AK9: variants seen among roughly 807,000 people sequenced by gnomAD.
AK9 encodes adenylate kinase 9, also known as adenylate kinase domain containing 1.
Under a neutral mutation model 239.6 loss-of-function variants are expected in AK9, and 191 were observed. The observed-to-expected ratio is 0.80, with a 90% CI of 0.71 to 0.90. AK9 has a LOEUF of 0.90. Ranked by LOEUF, AK9 falls within the 40% of genes least tolerant of loss-of-function variation. The pLI, the probability that AK9 is intolerant of heterozygous loss-of-function variation, is 0.00. For synonymous variants in AK9, 689 were observed against 721.0 expected, an observed-to-expected ratio of 0.96 and a Z score of 0.71; for missense variants, 1,995 against 2,214.7, an observed-to-expected ratio of 0.90 and a Z score of 1.99.
chr6:109,570,374 C>T (rs949201128), intron 21 of AK9, among the ~76,000 whole-genome samples: 3 of 151,990 alleles, frequency 2.0e-5, no homozygotes, highest in Non-Finnish European at 4.4e-5. Flanking sequence ...CACATGTATA[C>T]ACATGTAACA....
chr6:109,600,687 G>A (rs1005383587), intron 17 of AK9, among the ~76,000 whole-genome samples: 5 of 152,118 alleles, frequency 3.3e-5, no homozygotes, highest in South Asian at 2.1e-4. Context: ...GGTAGAATTC[G>A]GCTGTGAATC....
chr6:109,573,319 G>A (rs1787664388), intron 21 of AK9, 123 bp downstream of exon 21: 1 of 1,067,706 alleles, frequency 9.4e-7, no homozygotes. Flanking sequence ...GCTGCTCTCT[G>A]GGGGCTCATC....
intron 5 of AK9, among the ~76,000 whole-genome samples, chr6:109,669,205 A>G (rs184128637): frequency 1.4e-3 from 214 of 152,168 alleles, no homozygotes; most frequent in Admixed American, 2.5e-3. Flanking sequence ...TTATTGGTGT[A>G]TAAGAATGCT....
chr6:109,633,423 T>A, intron 10 of AK9, 100 bp from the exon 11 acceptor site: 3 of 1,279,882 alleles, frequency 2.3e-6, no homozygotes, highest in Non-Finnish European at 3.1e-6. Flanking sequence ...CTTTACTATT[T>A]AAGAAATAAT....
Position 109,614,399 on chromosome 6 carries a change from G to A in AK9, c.1481C>T (p.Ser494Leu), listed in dbSNP as rs1219708271. The A allele has an allele frequency of 6.4e-7, 1 of 1,551,172 alleles. No individual in the cohort carries two copies. Among genetic ancestry groups the A allele is most frequent in the Admixed American group, 2.0e-5 (1 of 50,980 alleles). The change falls in exon 14 of 41, where the codon TCA (serine) becomes TTA (leucine). Residue 494 changes from serine to leucine, a missense_variant. Transcript: ENST00000424296. ...GVFPMEATHS[S>L]IDEEGYIQGS... The stretch of plus-strand genomic sequence containing the variant: ...TATTTCTTTACCTTCTTCATCAATT[G>A]ATGAGTGTGTTGCCTCCATTGGGAA...
intron 1 of AK9, among the ~76,000 whole-genome samples, chr6:109,689,399 A>G (rs1583600184): frequency 6.6e-6 from 1 of 152,298 alleles, no homozygotes; most frequent in East Asian, 1.9e-4. Flanking sequence ...AAATGTTAGC[A>G]TGTGCGACTT....
chr6:109,506,418 A>G lies in AK9; in HGVS notation c.4758T>C (p.Phe1586=), dbSNP rs982034283. 2 of 1,613,880 alleles carry G rather than the reference A, an allele frequency of 1.2e-6. No individual in the cohort carries two copies. The highest frequency in any genetic ancestry group is 1.7e-6 in the Non-Finnish European group (2 of 1,179,954). ...CATTCCATACCCACCATTTGCTGTGAAATCCATCAATCACATACCAGTTCT... is the reference window on the plus strand; with the variant it reads ...CATTCCATACCCACCATTTGCTGTGGAATCCATCAATCACATACCAGTTCT... ...QHQNWYVIDG[F]HSKWWVWNEV... The change falls in exon 35 of 41, where the codon TTT becomes TTC. Residue 1586 remains phenylalanine (F), a synonymous_variant. Coordinates refer to ENST00000424296, the MANE Select transcript of AK9 (RefSeq NM_001145128.3).
At chr6:109,622,585 G>T (rs1294189290) in intron 12 of AK9, among the ~76,000 whole-genome samples, 2 of 144,876 alleles carry the variant, frequency 1.4e-5, no homozygotes, top group African/African-American at 2.5e-5. Context: ...TATATGCATA[G>T]TATGCTATAT....
chr6:109,628,740 A>G (rs1364533277), intron 12 of AK9, among the ~76,000 whole-genome samples: 1 of 152,010 alleles, frequency 6.6e-6, no homozygotes, highest in Non-Finnish European at 1.5e-5. Context: ...AGTTTTTTCC[A>G]CTGACAACTC....
intron 10 of AK9, among the ~76,000 whole-genome samples, chr6:109,640,577 A>AT (rs60569476): frequency 3.2e-4 from 48 of 149,498 alleles, no homozygotes; most frequent in Non-Finnish European, 5.5e-4. Context: ...CTCCACCCCA[A>AT]TTTTTTTTTT....
chr6:109,680,808 T>TA lies in AK9; in HGVS notation c.-11-5053dup, dbSNP rs1291004339. Among the ~76,000 whole-genome samples the TA allele has an allele frequency of 5.3e-5, 8 of 152,130 alleles. 1 individual carries two copies. Among genetic ancestry groups the TA allele is most frequent in the Non-Finnish European group, 8.8e-5 (6 of 68,032 alleles). ...AGTGGGGGCCAATATTCAACATTCT[T>TA]AAAGAAAAGAATTTTCAACGCAGAA... is the stretch of plus-strand genomic sequence containing the variant. On this transcript the variant is annotated intron_variant, in intron 1 of 40. Transcript: ENST00000424296.
chr6:109,573,199 C>A (rs904770176), intron 21 of AK9, among the ~76,000 whole-genome samples: 1 of 152,048 alleles, frequency 6.6e-6, no homozygotes, highest in Non-Finnish European at 1.5e-5. Context: ...GCTTTTTGAA[C>A]AACATGCCCC....
At chr6:109,494,640 T>C (rs1332990491) in intron 39 of AK9, 1 of 152,316 alleles carries the variant, frequency 6.6e-6, no homozygotes, top group African/African-American at 2.4e-5. Flanking sequence ...ATCTGGCATT[T>C]TGATGTTAAA....
At chr6:109,669,899 G>C (rs1583514633) in intron 5 of AK9, among the ~76,000 whole-genome samples, 1 of 152,182 alleles carries the variant, frequency 6.6e-6, no homozygotes, top group Non-Finnish European at 1.5e-5. Context: ...GAGCTCGTTT[G>C]TGCATGCCTA....
At chr6:109,595,390 T>C (rs1238799726) in intron 17 of AK9, among the ~76,000 whole-genome samples, 2 of 152,238 alleles carry the variant, frequency 1.3e-5, no homozygotes, top group African/African-American at 4.8e-5. Context: ...GGAACACTTT[T>C]ACACTGTTGG....
chr6:109,581,291 G>T (rs1788828095), intron 19 of AK9, among the ~76,000 whole-genome samples: 1 of 152,128 alleles, frequency 6.6e-6, no homozygotes, highest in African/African-American at 2.4e-5. Context: ...GCTAGAAATG[G>T]CTAAGCTTAG....
intron 17 of AK9, among the ~76,000 whole-genome samples, chr6:109,606,376 G>A (rs1450783925): frequency 2.6e-5 from 4 of 152,070 alleles, no homozygotes; most frequent in Admixed American, 2.6e-4. Context: ...AAGACATAAC[G>A]ACAGTGCCAA....
intron 8 of AK9, among the ~76,000 whole-genome samples, chr6:109,653,548 T>C (rs1436859090): frequency 6.6e-6 from 1 of 152,240 alleles, no homozygotes; most frequent in East Asian, 1.9e-4. Context: ...GGCATGTGGA[T>C]TGCAAACATT....
At chr6:109,535,259 C>T (rs527937237) in intron 27 of AK9, among the ~76,000 whole-genome samples, 4 of 152,316 alleles carry the variant, frequency 2.6e-5, no homozygotes, top group African/African-American at 9.6e-5. Context: ...ACATCCTCTC[C>T]AGCACCTGTT....
Sources: gnomAD v4.1 joint callset for allele counts (sites outside exome capture counted in the v4.1 genomes callset) on GRCh38, gnomAD v4.1.1 for gene constraint, MANE v1.5 for transcripts, NCBI Gene and HGNC (gene_info 2026-07-23, HGNC 2026-07-21) for gene names.